HCRTR2: variants seen among roughly 807,000 people sequenced by gnomAD.
The protein encoded by HCRTR2 is hypocretin receptor 2.
Under a neutral mutation model 49.0 loss-of-function variants are expected in HCRTR2, and 22 were observed. The ratio of observed to expected loss-of-function variants is 0.45; its 90% CI spans 0.32 to 0.64. The LOEUF is 0.64. Among genes scored for constraint, HCRTR2 ranks in the 30% least tolerant of loss-of-function variants. The pLI is 0.04. For synonymous variants in HCRTR2, 236 were observed against 205.3 expected (o/e 1.15, Z -1.28); for missense variants, 491 against 559.4 (o/e 0.88, Z 1.23).
At chr6:55,276,315 T>C (rs988532449) in intron 4 of HCRTR2, among the ~76,000 whole-genome samples, 5 of 152,248 alleles carry the variant, frequency 3.3e-5, no homozygotes, top group African/African-American at 9.6e-5. Context: ...TTTATCTGTG[T>C]GGACATATAA....
intron 4 of HCRTR2, among the ~76,000 whole-genome samples, chr6:55,264,923 T>C (rs1367208431): frequency 6.6e-6 from 1 of 152,114 alleles, no homozygotes; most frequent in African/African-American, 2.4e-5. Flanking sequence ...ATTTGGTCTT[T>C]GAGGATGTGT....
intron 1 of HCRTR2, among the ~76,000 whole-genome samples, chr6:55,223,665 T>C (rs1765941762): frequency 6.6e-6 from 1 of 152,198 alleles, no homozygotes; most frequent in African/African-American, 2.4e-5. Flanking sequence ...CACTTGAGAA[T>C]ATTTTAGTTT....
chr6:55,134,034 T>C (rs554500614), intron 1 of HCRTR2, among the ~76,000 whole-genome samples: 2 of 152,026 alleles, frequency 1.3e-5, no homozygotes, highest in South Asian at 2.1e-4. Context: ...CTTAGGAACA[T>C]ATACATTTCT....
intron 1 of HCRTR2, among the ~76,000 whole-genome samples, chr6:55,232,481 A>C (rs556815297): frequency 7.9e-5 from 12 of 152,310 alleles, no homozygotes; most frequent in African/African-American, 2.9e-4. Context: ...GTTGTCTAAA[A>C]GGATATCATC....
intron 1 of HCRTR2, among the ~76,000 whole-genome samples, chr6:55,215,168 ATT>A (rs1253519620): frequency 6.6e-6 from 1 of 152,170 alleles, no homozygotes; most frequent in Non-Finnish European, 1.5e-5. Flanking sequence ...CAAAGAAGGA[ATT>A]TTGAAAGCAG....
chr6:55,238,157 C>A (rs1766249317), intron 1 of HCRTR2, among the ~76,000 whole-genome samples: 1 of 152,150 alleles, frequency 6.6e-6, no homozygotes. Context: ...TCTACTCTTA[C>A]AAAGCTACCT....
Position 55,280,487 on chromosome 6 carries a change from A to T in HCRTR2, c.1105+43A>T, listed in dbSNP as rs776794638. 24 of 1,608,502 alleles carry T rather than the reference A, an allele frequency of 1.5e-5. No homozygotes were observed. The South Asian group carries it at 2.5e-4, about 17-fold the overall frequency. On this transcript the variant is annotated intron_variant, in intron 6 of 6. Coordinates refer to ENST00000370862, the MANE Select transcript of HCRTR2 (RefSeq NM_001384272.1). ...CTTCCATAAGCCACAATTGTAACCA[A>T]GGATGAGGAATCAATGAACACTCTT...
At chr6:55,192,401 ACG>A (rs200967732) in intron 1 of HCRTR2, among the ~76,000 whole-genome samples, 10 of 141,806 alleles carry the variant, frequency 7.1e-5, no homozygotes, top group African/African-American at 2.1e-4. Context: ...ACACACACAC[ACG>A]CGCGCGCGCG....
intron 1 of HCRTR2, among the ~76,000 whole-genome samples, chr6:55,226,711 G>GTTTTTTTTTTTTTTTTT (rs777871106): frequency 1.3e-5 from 1 of 74,254 alleles, no homozygotes; most frequent in African/African-American, 6.0e-5. Context: ...AATTCCAGGT[G>GTTTTTTTTTTTTTTTTT]TTTTTTTTTT....
intron 1 of HCRTR2, among the ~76,000 whole-genome samples, chr6:55,216,096 A>C (rs3134708): frequency 0.3 from 45,384 of 152,020 alleles, 7,791 homozygotes; most frequent in African/African-American, 0.47. Context: ...CTATGAAAAC[A>C]CATTAAGCCA....
At chr6:55,127,360 C>T (rs963845524) in intron 1 of HCRTR2, among the ~76,000 whole-genome samples, 6 of 151,966 alleles carry the variant, frequency 3.9e-5, no homozygotes, top group Non-Finnish European at 5.9e-5. Flanking sequence ...CCAGGTAAGG[C>T]GACACTCCAC....
intron 1 of HCRTR2, among the ~76,000 whole-genome samples, chr6:55,219,722 A>G (rs553909976): frequency 2.0e-5 from 3 of 151,990 alleles, no homozygotes; most frequent in Admixed American, 6.5e-5. Flanking sequence ...AATAAATTAA[A>G]TAGAAAGTAG....
At chr6:55,227,240 A>G (rs1766026293) in intron 1 of HCRTR2, among the ~76,000 whole-genome samples, 1 of 152,162 alleles carries the variant, frequency 6.6e-6, no homozygotes, top group Admixed American at 6.5e-5. Flanking sequence ...ACAAATATGT[A>G]TTGATTGAGA....
chr6:55,269,568 A>C (rs111359416), intron 4 of HCRTR2, among the ~76,000 whole-genome samples: 1 of 152,338 alleles, frequency 6.6e-6, no homozygotes, highest in African/African-American at 2.4e-5. Context: ...TTTATACATT[A>C]GCAAATAAAA....
At chr6:55,256,918 T>C (rs1766663691) in intron 3 of HCRTR2, among the ~76,000 whole-genome samples, 1 of 152,090 alleles carries the variant, frequency 6.6e-6, no homozygotes, top group Admixed American at 6.6e-5. Context: ...TTTTAATATA[T>C]TTATATACAA....
chr6:55,269,268 A>G (rs1167601867), intron 4 of HCRTR2, among the ~76,000 whole-genome samples: 2 of 152,180 alleles, frequency 1.3e-5, no homozygotes. Context: ...TTTTCTGACT[A>G]AAGTCAGAAA....
At chr6:55,149,324 T>C (rs542284540) in intron 1 of HCRTR2, among the ~76,000 whole-genome samples, 1 of 152,278 alleles carries the variant, frequency 6.6e-6, no homozygotes, top group African/African-American at 2.4e-5. Flanking sequence ...ACCACTATGG[T>C]CACCCAACAG....
chr6:55,166,245 T>C (rs537075667), intron 1 of HCRTR2, among the ~76,000 whole-genome samples: 2 of 152,274 alleles, frequency 1.3e-5, no homozygotes, highest in Non-Finnish European at 2.9e-5. Context: ...GTTGAGGATT[T>C]CTGCATCTAT....
intron 3 of HCRTR2, 36 bp from the exon 4 acceptor site, chr6:55,263,671 T>C (rs1422774703): frequency 9.3e-7 from 1 of 1,078,826 alleles, no homozygotes; most frequent in Admixed American, 1.7e-5. Flanking sequence ...CCATCAATTG[T>C]AACGTAAGGT....
Sources: gnomAD v4.1 joint callset for allele counts (sites outside exome capture counted in the v4.1 genomes callset) on GRCh38, gnomAD v4.1.1 for gene constraint, MANE v1.5 for transcripts, NCBI Gene and HGNC (gene_info 2026-07-23, HGNC 2026-07-21) for gene names.